Variants in KLF12 observed in about 807,000 individuals in gnomAD.
KLF12 encodes the protein KLF transcription factor 12.
Under a neutral mutation model 37.8 loss-of-function variants are expected in KLF12, and 9 were observed. The observed-to-expected ratio is 0.24, with a 90% CI of 0.14 to 0.42. The LOEUF (loss-of-function observed/expected upper bound fraction) is 0.42, where lower values mean the gene tolerates loss of function less well. Among genes scored for constraint, KLF12 ranks in the 10% least tolerant of loss-of-function variants. The probability of loss-of-function intolerance (pLI) is 1.00; values close to 1 mark genes in which losing one functional copy is unlikely to be tolerated. For missense variants in KLF12, 411 were observed against 516.0 expected, an observed-to-expected ratio of 0.80 and a Z score of 1.97; for synonymous variants, 208 against 202.1, an observed-to-expected ratio of 1.03 and a Z score of -0.25.
the KLF12 span, among the ~76,000 whole-genome samples, chr13:74,164,926 T>A: frequency 6.6e-6 from 1 of 151,702 alleles, no homozygotes; most frequent in East Asian, 1.9e-4. Flanking sequence ...TAGTGGAGAG[T>A]AGGGGTGGTT....
At chr13:74,026,504 TAAGG>T (rs565427087) in intron 1 of KLF12, among the ~76,000 whole-genome samples, 60 of 152,258 alleles carry the variant, frequency 3.9e-4, no homozygotes, top group Admixed American at 2.2e-3. Context: ...TATTACAAAA[TAAGG>T]AAGGAACAGT....
intron 2 of KLF12, among the ~76,000 whole-genome samples, chr13:73,953,934 C>T (rs1345072794): frequency 2.0e-5 from 3 of 147,498 alleles, no homozygotes; most frequent in Non-Finnish European, 4.5e-5. Context: ...CACTGCTAAA[C>T]AAGTAAACTA....
At chr13:74,073,252 A>AT (rs925919099) in intron 1 of KLF12, among the ~76,000 whole-genome samples, 63 of 151,566 alleles carry the variant, frequency 4.2e-4, no homozygotes, top group Non-Finnish European at 4.0e-4. Flanking sequence ...TATTTGACTG[A>AT]TTTTTTTTTC....
At chr13:74,101,527 C>T (rs1876342687) in intron 1 of KLF12, among the ~76,000 whole-genome samples, 1 of 152,018 alleles carries the variant, frequency 6.6e-6, no homozygotes, top group Non-Finnish European at 1.5e-5. Context: ...AAATACCACT[C>T]TCCACTGAAG....
At chr13:74,112,633 A>T (rs535475903) in intron 1 of KLF12, among the ~76,000 whole-genome samples, 3 of 152,242 alleles carry the variant, frequency 2.0e-5, no homozygotes, top group Admixed American at 2.0e-4. Context: ...TGACCTTCTA[A>T]GACAGTGAAC....
chr13:74,183,291 C>T, the KLF12 span, among the ~76,000 whole-genome samples: 1 of 152,136 alleles, frequency 6.6e-6, no homozygotes, highest in Non-Finnish European at 1.5e-5. Context: ...GCTCAAAAGC[C>T]ACATGAATGC....
chr13:73,760,383 C>G (rs1002993864), intron 6 of KLF12, among the ~76,000 whole-genome samples: 1 of 152,126 alleles, frequency 6.6e-6, no homozygotes, highest in Non-Finnish European at 1.5e-5. Flanking sequence ...TGAGGTGGCA[C>G]AATCATACCT....
chr13:74,030,928 C>A (rs1488478414), intron 1 of KLF12, among the ~76,000 whole-genome samples: 1 of 152,092 alleles, frequency 6.6e-6, no homozygotes, highest in Non-Finnish European at 1.5e-5. Context: ...TCCTAAACTT[C>A]ATTTTGAACG....
chr13:73,696,242 T>G (rs1313407681), intron 7 of KLF12, among the ~76,000 whole-genome samples: 1 of 152,176 alleles, frequency 6.6e-6, no homozygotes, highest in Non-Finnish European at 1.5e-5. Context: ...TTGCTTGTTC[T>G]TTGGGGGAAA....
chr13:73,965,174 CACAA>C (rs1282391898), intron 2 of KLF12, among the ~76,000 whole-genome samples: 1 of 151,996 alleles, frequency 6.6e-6, no homozygotes, highest in Non-Finnish European at 1.5e-5. Flanking sequence ...ATGGCTACTT[CACAA>C]ACAAAGCTAC....
intron 5 of KLF12, among the ~76,000 whole-genome samples, chr13:73,770,656 G>A (rs1880207797): frequency 6.6e-6 from 1 of 151,842 alleles, no homozygotes; most frequent in South Asian, 2.1e-4. Context: ...CTGAGTAGCT[G>A]GGATTACAGG....
chr13:73,921,699 T>A (rs1363583714), intron 3 of KLF12, among the ~76,000 whole-genome samples: 1 of 152,180 alleles, frequency 6.6e-6, no homozygotes, highest in Non-Finnish European at 1.5e-5. Context: ...TAATAATACA[T>A]GTTGATAGTA....
At position 73,712,338 on chromosome 13, in the gene KLF12, CAAAAAAAAAAAAA is replaced by C. The variant is rs752694466; in HGVS notation, c.1027+3017_1027+3029del. Among the ~76,000 whole-genome samples, 152 of 42,058 alleles carry C rather than the reference CAAAAAAAAAAAAA, an allele frequency of 3.6e-3. 1 individual carries two copies. The highest frequency in any genetic ancestry group is 0.011 in the African/African-American group (145 of 13,114). 27.6% of individuals were successfully genotyped at this position (42,058 alleles called of 152,430 possible). A position where few individuals can be genotyped will look rare whatever the true frequency, so the allele number is the denominator to read the frequency against. ...GGGTAACAAGAGCGAAACTCCATGT[CAAAAAAAAAAAAA>C]AAAAAAAAAGGATTAGAAGTGGACT... On this transcript the variant is annotated intron_variant, in intron 7 of 7. Coordinates refer to ENST00000377669, the MANE Select transcript of KLF12 (RefSeq NM_007249.5).
At chr13:74,154,627 C>T in the KLF12 span, among the ~76,000 whole-genome samples, 1 of 144,428 alleles carries the variant, frequency 6.9e-6, no homozygotes, top group Non-Finnish European at 1.5e-5. Context: ...AGTGTCTTTG[C>T]TTAGGGTTGT....
chr13:73,963,321 G>A (rs868188626), intron 2 of KLF12, among the ~76,000 whole-genome samples: 2,465 of 123,152 alleles, frequency 0.02, 61 homozygotes, highest in African/African-American at 0.073. Flanking sequence ...ACACACACAC[G>A]TATATATGCT....
intron 2 of KLF12, among the ~76,000 whole-genome samples, chr13:73,959,069 C>T (rs1184918326): frequency 2.4e-5 from 3 of 126,604 alleles, no homozygotes; most frequent in Non-Finnish European, 4.8e-5. Context: ...ATGGGGATGG[C>T]ACAACTAACA....
chr13:73,833,418 AG>A (rs1447526333), intron 4 of KLF12, among the ~76,000 whole-genome samples: 2 of 152,204 alleles, frequency 1.3e-5, no homozygotes, highest in Non-Finnish European at 2.9e-5. Flanking sequence ...TAAAACAACT[AG>A]GGAAACAGCA....
At chr13:73,768,584 T>A (rs1202731120) in intron 5 of KLF12, among the ~76,000 whole-genome samples, 2 of 152,172 alleles carry the variant, frequency 1.3e-5, no homozygotes, top group Non-Finnish European at 2.9e-5. Flanking sequence ...AGAAGACCTA[T>A]CTTCTGTGTA....
chr13:74,072,364 A>AATATATGTAT (rs1398595283), intron 1 of KLF12, among the ~76,000 whole-genome samples: 2 of 63,064 alleles, frequency 3.2e-5, no homozygotes, highest in African/African-American at 9.4e-5. Flanking sequence ...AAGAAATACA[A>AATATATGTAT]ATATATATAT....
Sources: gnomAD v4.1 joint callset for allele counts (sites outside exome capture counted in the v4.1 genomes callset) on GRCh38, gnomAD v4.1.1 for gene constraint, MANE v1.5 for transcripts, NCBI Gene and HGNC (gene_info 2026-07-23, HGNC 2026-07-21) for gene names.